PIEZO2: variants seen among roughly 807,000 people sequenced by gnomAD.
PIEZO2 encodes piezo-type mechanosensitive ion channel component 2.
A neutral mutation model predicts 337.3 loss-of-function variants in PIEZO2; 172 were observed. The observed-to-expected ratio is 0.51, with a 90% CI of 0.45 to 0.58. PIEZO2 has a LOEUF of 0.58. PIEZO2 is among the 20% of genes least tolerant of loss of function. The pLI is 0.00. For missense variants in PIEZO2, 3,028 were observed against 3,391.3 expected (o/e 0.89, Z 2.66); for synonymous variants, 1,251 against 1,228.5 (o/e 1.02, Z -0.38).
chr18:10,714,745 T>C lies in PIEZO2; in HGVS notation c.5423+19A>G. On this transcript the variant is annotated intron_variant, in intron 39 of 55. Coordinates refer to ENST00000674853, the MANE Select transcript of PIEZO2 (RefSeq NM_001378183.1). ...TTTACCTTTGTCAAAAGTAAACCCA[T>C]TGTTAGAAAGTGAAATACCTGGAGA... 3.9e-6 allele frequency: 6 copies of C among 1,535,692 alleles called. No individual in the cohort carries two copies. Among genetic ancestry groups the C allele is most frequent in the Non-Finnish European group, 5.2e-6 (6 of 1,145,966 alleles).
intron 16 of PIEZO2, 114 bp from the exon 17 acceptor site, chr18:10,785,071 G>A: frequency 8.3e-7 from 1 of 1,201,910 alleles, no homozygotes; most frequent in Non-Finnish European, 1.1e-6. Context: ...ATCGTTTATT[G>A]AATCCCTCTC....
At chr18:10,852,750 A>G (rs2041591363) in intron 7 of PIEZO2, among the ~76,000 whole-genome samples, 1 of 152,194 alleles carries the variant, frequency 6.6e-6, no homozygotes, top group Admixed American at 6.5e-5. Flanking sequence ...GAGGCACAGC[A>G]GAGAGAATTC....
In PIEZO2 at chr18:10,795,059, C is replaced by A. The variant is rs7236576; in HGVS notation, c.1528-57G>T. On this transcript the variant is annotated intron_variant, in intron 12 of 55. Transcript: ENST00000674853. This position sits in a 1 kb window ranked among gnomAD's most constrained non-coding sequence, Gnocchi z 4.4. The stretch of plus-strand genomic sequence containing the variant: ...GGTCAATACAATGCTCAGTCCCCCC[C>A]GCCCTGGTAAGGTAAAAACTATCTA... 117 of 1,383,222 alleles carry A rather than the reference C, an allele frequency of 8.5e-5. 2 individuals carry two copies. The Middle Eastern group carries it at 8.8e-4, about 10-fold the overall frequency. The allele number at this position is 1,383,222 out of a possible 1,614,324, so 85.7% of individuals were successfully genotyped here.
chr18:11,006,237 G>A (rs938498226), intron 2 of PIEZO2, among the ~76,000 whole-genome samples: 1 of 152,120 alleles, frequency 6.6e-6, no homozygotes, highest in Non-Finnish European at 1.5e-5. Context: ...TTTCTCAAAT[G>A]TAAGTTTCAC....
intron 3 of PIEZO2, among the ~76,000 whole-genome samples, chr18:10,951,908 T>C (rs1025897474): frequency 6.6e-6 from 1 of 152,232 alleles, no homozygotes; most frequent in African/African-American, 2.4e-5. Flanking sequence ...GATTATGAGA[T>C]ATGAAACAGG....
chr18:11,035,256 C>T lies in PIEZO2; in HGVS notation c.160+30871G>A, dbSNP rs1467541890. On this transcript the variant is annotated intron_variant, in intron 2 of 55. Coordinates refer to ENST00000674853, the MANE Select transcript of PIEZO2 (RefSeq NM_001378183.1). The surrounding 1 kb of genome is among the most constrained non-coding windows in gnomAD (Gnocchi z 4.3). ...CCCAGCAGTAATGAGAGAGTTCTTGCTCTGTTAGTTCACGGAGAGCTGGTT... is the reference window on the plus strand; with the variant it reads ...CCCAGCAGTAATGAGAGAGTTCTTGTTCTGTTAGTTCACGGAGAGCTGGTT... Among the ~76,000 whole-genome samples, 1 of 152,114 alleles carries T rather than the reference C, an allele frequency of 6.6e-6. No homozygotes were observed. The highest frequency in any genetic ancestry group is 6.5e-5 in the Admixed American group (1 of 15,274).
intron 18 of PIEZO2, among the ~76,000 whole-genome samples, chr18:10,774,333 A>C (rs2038712325): frequency 6.6e-6 from 1 of 152,256 alleles, no homozygotes; most frequent in Non-Finnish European, 1.5e-5. Context: ...GTAACGCAAC[A>C]AACCATCTTG....
intron 4 of PIEZO2, among the ~76,000 whole-genome samples, chr18:10,893,185 A>C (rs2042803828): frequency 6.6e-6 from 1 of 152,228 alleles, no homozygotes; most frequent in South Asian, 2.1e-4. Flanking sequence ...GGTTAATGAG[A>C]TATTCTCCTA....
At position 10,672,078 on chromosome 18, in the gene PIEZO2, T is replaced by C. The variant is rs2033804345; in HGVS notation, c.8346-299A>G. ...TTTCATGTATGAACTTTAGGTGGTT[T>C]TGTTGCATATATTAAATGCATAAAC... On this transcript the variant is annotated intron_variant, in intron 55 of 55. Transcript: ENST00000674853. This position sits in a 1 kb window ranked among gnomAD's most constrained non-coding sequence, Gnocchi z 4.7. Among the ~76,000 whole-genome samples the C allele has an allele frequency of 6.6e-6, 1 of 152,228 alleles. No homozygotes were observed. Among genetic ancestry groups the C allele is most frequent in the Non-Finnish European group, 1.5e-5 (1 of 68,038 alleles).
chr18:10,849,963 T>A (rs1183985859), intron 7 of PIEZO2, among the ~76,000 whole-genome samples: 2 of 152,184 alleles, frequency 1.3e-5, no homozygotes, highest in Non-Finnish European at 2.9e-5. Context: ...AACTTCTGAG[T>A]GTGGTCACTG....
chr18:10,940,302 T>C lies in PIEZO2; in HGVS notation c.287-29074A>G, dbSNP rs2032657677. ...ATAAAAATCTAGTGAGCTCTTCCTC[T>C]TCACCCTAACAGATTAGCACCTTTT... is the stretch of plus-strand genomic sequence containing the variant. On this transcript the variant is annotated intron_variant, in intron 3 of 55. Transcript: ENST00000674853. The surrounding 1 kb of genome is among the most constrained non-coding windows in gnomAD (Gnocchi z 5.3). Among the ~76,000 whole-genome samples the C allele has an allele frequency of 6.6e-6, 1 of 152,230 alleles. No homozygotes were observed. The highest frequency in any genetic ancestry group is 2.4e-5 in the African/African-American group (1 of 41,464).
chr18:10,856,937 C>T lies in PIEZO2; in HGVS notation c.703+64G>A. 1.5e-6 allele frequency: 2 copies of T among 1,375,704 alleles called. No individual in the cohort carries two copies. The highest frequency in any genetic ancestry group is 2.0e-6 in the Non-Finnish European group (2 of 1,003,394). 85.2% of individuals were successfully genotyped at this position (1,375,704 alleles called of 1,614,324 possible). A position where few individuals can be genotyped will look rare whatever the true frequency, so the allele number is the denominator to read the frequency against. On this transcript the variant is annotated intron_variant, in intron 6 of 55. Transcript: ENST00000674853. This position sits in a 1 kb window ranked among gnomAD's most constrained non-coding sequence, Gnocchi z 4.7. ...TCCTTCATTTCTTCTTCAACCATTT[C>T]TCTCATTCACCAAAGCACTGCTTGT...
chr18:11,048,415 A>G lies in PIEZO2; in HGVS notation c.160+17712T>C, dbSNP rs1385672912. 2.6e-5 allele frequency among the ~76,000 whole-genome samples: 4 copies of G among 152,170 alleles called. No homozygotes were observed. The highest frequency in any genetic ancestry group is 7.2e-5 in the African/African-American group (3 of 41,438). ...CTGTGACCAAAGGAAATGAATGCAT[A>G]TTTTGTACCAGTATTCTCAGTGTGT... On this transcript the variant is annotated intron_variant, in intron 2 of 55. Coordinates refer to ENST00000674853, the MANE Select transcript of PIEZO2 (RefSeq NM_001378183.1). The surrounding 1 kb of genome is among the most constrained non-coding windows in gnomAD (Gnocchi z 4.5).
At chr18:10,770,631 G>T (rs2038563637) in intron 20 of PIEZO2, among the ~76,000 whole-genome samples, 1 of 151,972 alleles carries the variant, frequency 6.6e-6, no homozygotes, top group Non-Finnish European at 1.5e-5. Context: ...CTCTCTTTCT[G>T]ACAGAGTCTT....
rs1208012732 is a variant in PIEZO2 at position 11,070,245 on chromosome 18, G to C, written c.65-4023C>G. Among the ~76,000 whole-genome samples, 1 of 152,196 alleles carries C rather than the reference G, an allele frequency of 6.6e-6. No individual in the cohort carries two copies. The highest frequency in any genetic ancestry group is 2.4e-5 in the African/African-American group (1 of 41,436). On this transcript the variant is annotated intron_variant, in intron 1 of 55. Transcript: ENST00000674853. This position sits in a 1 kb window ranked among gnomAD's most constrained non-coding sequence, Gnocchi z 4.3. Reference sequence around the variant, plus strand: ...CTGTAATACAATGGTAAGGATTTATGTATCTAAACATATCTAAATACAGAA... The same window carrying C: ...CTGTAATACAATGGTAAGGATTTATCTATCTAAACATATCTAAATACAGAA...
chr18:10,813,231 G>A lies in PIEZO2; in HGVS notation c.918-5957C>T, dbSNP rs943800575. On this transcript the variant is annotated intron_variant, in intron 7 of 55. Transcript: ENST00000674853. This position sits in a 1 kb window ranked among gnomAD's most constrained non-coding sequence, Gnocchi z 4.2. ...CCTGACCTCGTGATTTGCCCGCCTG[G>A]GCCTCCCAAAGTGCTGGCATTACAG... Among the ~76,000 whole-genome samples, 1 of 152,066 alleles carries A rather than the reference G, an allele frequency of 6.6e-6. No individual in the cohort carries two copies. Among genetic ancestry groups the A allele is most frequent in the Non-Finnish European group, 1.5e-5 (1 of 67,990 alleles).
rs1423077789 is a variant in PIEZO2, at chr18:10,861,629, A to G, written c.493-4418T>C. 4.6e-5 allele frequency among the ~76,000 whole-genome samples: 7 copies of G among 152,260 alleles called. No homozygotes were observed. The highest frequency in any genetic ancestry group is 4.6e-4 in the Admixed American group (7 of 15,292). On this transcript the variant is annotated intron_variant, in intron 5 of 55. Coordinates refer to ENST00000674853, the MANE Select transcript of PIEZO2 (RefSeq NM_001378183.1). The surrounding 1 kb of genome is among the most constrained non-coding windows in gnomAD (Gnocchi z 4.3). ...GAGGCCAGGGACCTGGAAAGGGCAG[A>G]TGCTGATCAAGGGGTACAAAATTTC...
In PIEZO2 at chr18:10,980,487, A is replaced by G. The variant is rs560696304; in HGVS notation, c.161-827T>C. Among the ~76,000 whole-genome samples the G allele has an allele frequency of 2.6e-5, 4 of 152,342 alleles. No individual in the cohort carries two copies. The South Asian group carries it at 6.2e-4, about 24-fold the overall frequency. On this transcript the variant is annotated intron_variant, in intron 2 of 55. Coordinates refer to ENST00000674853, the MANE Select transcript of PIEZO2 (RefSeq NM_001378183.1). This position sits in a 1 kb window ranked among gnomAD's most constrained non-coding sequence, Gnocchi z 4.8. Reference sequence around the variant, plus strand: ...ATCAAGGCCACTTGATATGAATGCCACTAATTAACATATCACTGGATGTAC... The same window carrying G: ...ATCAAGGCCACTTGATATGAATGCCGCTAATTAACATATCACTGGATGTAC...
In PIEZO2 at chr18:11,048,653, G is replaced by A. The variant is rs914823713; in HGVS notation, c.160+17474C>T. ...TTTATATTAGAAGCTTTCACTCACT[G>A]AATCAATTTTTAAAAATGATAGTTT... On this transcript the variant is annotated intron_variant, in intron 2 of 55. Transcript: ENST00000674853. The surrounding 1 kb of genome is among the most constrained non-coding windows in gnomAD (Gnocchi z 4.5). 1.3e-5 allele frequency among the ~76,000 whole-genome samples: 2 copies of A among 152,168 alleles called. No individual in the cohort carries two copies. Among genetic ancestry groups the A allele is most frequent in the Admixed American group, 1.3e-4 (2 of 15,282 alleles).
Sources: gnomAD v4.1 joint callset for allele counts (sites outside exome capture counted in the v4.1 genomes callset) on GRCh38, gnomAD v4.1.1 for gene constraint, Gnocchi (gnomAD v3.1) non-coding constraint, MANE v1.5 for transcripts, NCBI Gene and HGNC (gene_info 2026-07-23, HGNC 2026-07-21) for gene names.